Variants in IGSF21 observed in about 807,000 individuals in gnomAD.
The protein encoded by IGSF21 is immunoglobulin superfamily member 21.
Under a neutral mutation model 46.8 loss-of-function variants are expected in IGSF21, and 28 were observed. The observed-to-expected ratio is 0.60, with a 90% CI of 0.44 to 0.82. IGSF21 has a LOEUF of 0.82. Among genes scored for constraint, IGSF21 ranks in the 40% least tolerant of loss-of-function variants. The pLI, the probability that IGSF21 is intolerant of heterozygous loss-of-function variation, is 0.00. For missense variants in IGSF21, 624 were observed against 665.5 expected (o/e 0.94, Z 0.69); for synonymous variants, 284 against 273.6 (o/e 1.04, Z -0.38).
rs369077098 is a variant in IGSF21, at chr1:18,212,416, T to C, written c.71-15482T>C. On this transcript the variant is annotated intron_variant, in intron 1 of 9. Transcript: ENST00000251296. ...TCCTACAAGCAATGAGACCAACTTC[T>C]CCAATAGAACATTTCAGAACACCTT... Among the ~76,000 whole-genome samples the C allele has an allele frequency of 5.3e-5, 8 of 152,278 alleles. 1 individual carries two copies. In the East Asian group the frequency reaches 5.8e-4, roughly 11 times the overall value.
chr1:18,121,976 G>C (rs2086237711), intron 1 of IGSF21, among the ~76,000 whole-genome samples: 1 of 152,138 alleles, frequency 6.6e-6, no homozygotes. Context: ...CTTGAGCCAG[G>C]TCCTGGGTCA....
At position 18,151,341 on chromosome 1, in the gene IGSF21, T is replaced by C. The variant is rs547613253; in HGVS notation, c.70+43143T>C. 3.0e-4 allele frequency among the ~76,000 whole-genome samples: 45 copies of C among 152,316 alleles called. No individual in the cohort carries two copies. In the South Asian group the frequency reaches 9.1e-3, roughly 31 times the overall value. On this transcript the variant is annotated intron_variant, in intron 1 of 9. Coordinates refer to ENST00000251296, the MANE Select transcript of IGSF21 (RefSeq NM_032880.5). ...TCAGAGGCTCCCCTGAGCACTCACA[T>C]CCAGGCAATGGTTCTGGGGGCCCAG...
intron 2 of IGSF21, among the ~76,000 whole-genome samples, chr1:18,279,813 G>A (rs1309331922): frequency 3.9e-5 from 6 of 152,226 alleles, no homozygotes; most frequent in Non-Finnish European, 5.9e-5. Context: ...AATGTTTGCC[G>A]GTGCACCCGC....
intron 1 of IGSF21, among the ~76,000 whole-genome samples, chr1:18,119,029 C>G (rs1376326309): frequency 6.6e-6 from 1 of 151,578 alleles, no homozygotes; most frequent in African/African-American, 2.4e-5. Context: ...ATTTAAACAT[C>G]AGTAGTCACA....
In IGSF21 at chr1:18,365,545, G is replaced by A. The variant is rs760533682; in HGVS notation, c.863G>A (p.Arg288His). ...AGCGCCGAGCCCACCTACTTCCTGC[G>A]CCACAGCCGCACCCCGAGCAGTGAC... ...VHSAEPTYFL[R>H]HSRTPSSDGT... Residue 288 changes from arginine to histidine, a missense_variant, in exon 6 of 10, where the codon CGC (arginine) becomes CAC (histidine). Physicochemically the swap from Arg to His is conservative, Grantham distance 29. Transcript: ENST00000251296. This position sits in a 1 kb window ranked among gnomAD's most constrained non-coding sequence, Gnocchi z 4.8. The A allele has an allele frequency of 4.6e-5, 75 of 1,613,952 alleles. No individual in the cohort carries two copies. Among genetic ancestry groups the A allele is most frequent in the Middle Eastern group, 1.6e-4 (1 of 6,084 alleles).
intron 3 of IGSF21, among the ~76,000 whole-genome samples, chr1:18,305,546 T>TGGATG (rs1553162252): frequency 1.6e-5 from 2 of 123,902 alleles, no homozygotes; most frequent in Non-Finnish European, 3.5e-5. Flanking sequence ...GATGGATGGA[T>TGGATG]GATGGATGGA....
chr1:18,357,586 G>A (rs1255399782), intron 4 of IGSF21, among the ~76,000 whole-genome samples: 2 of 152,068 alleles, frequency 1.3e-5, no homozygotes, highest in Non-Finnish European at 2.9e-5. Flanking sequence ...CTTTTATTGG[G>A]CTATGAAACT....
chr1:18,272,658 C>T (rs2085053913), intron 2 of IGSF21, among the ~76,000 whole-genome samples: 1 of 152,224 alleles, frequency 6.6e-6, no homozygotes, highest in Non-Finnish European at 1.5e-5. Flanking sequence ...TTGGAAGAAG[C>T]TGGATCTCTT....
intron 1 of IGSF21, among the ~76,000 whole-genome samples, chr1:18,135,261 A>G (rs1464703573): frequency 6.6e-6 from 1 of 152,018 alleles, no homozygotes; most frequent in African/African-American, 2.4e-5. Context: ...TTATTTATTT[A>G]TTTATTTTTA....
intron 4 of IGSF21, among the ~76,000 whole-genome samples, chr1:18,356,869 G>A (rs929764573): frequency 1.3e-5 from 2 of 152,096 alleles, no homozygotes; most frequent in African/African-American, 2.4e-5. Context: ...TGGGGGAGGA[G>A]ATGGAGTTGA....
chr1:18,209,127 G>C (rs1312219195), intron 1 of IGSF21, among the ~76,000 whole-genome samples: 1 of 152,176 alleles, frequency 6.6e-6, no homozygotes, highest in Non-Finnish European at 1.5e-5. Context: ...TTGCTCGCTT[G>C]AGCATTTGTG....
intron 1 of IGSF21, among the ~76,000 whole-genome samples, chr1:18,216,102 G>C (rs2084442778): frequency 6.6e-6 from 1 of 152,186 alleles, no homozygotes. Context: ...AAAGGTCTAT[G>C]AGCTCAGGAG....
intron 1 of IGSF21, among the ~76,000 whole-genome samples, chr1:18,164,327 C>T (rs1557565597): frequency 6.6e-6 from 1 of 152,062 alleles, no homozygotes; most frequent in South Asian, 2.1e-4. Flanking sequence ...TCTCTTCCTT[C>T]CTTCTGACCC....
chr1:18,127,882 C>G (rs964132551), intron 1 of IGSF21, among the ~76,000 whole-genome samples: 2 of 152,096 alleles, frequency 1.3e-5, no homozygotes, highest in African/African-American at 4.8e-5. Flanking sequence ...GCACTCCAGC[C>G]TGGGTGACGT....
chr1:18,281,469 G>T (rs978612442), intron 2 of IGSF21, among the ~76,000 whole-genome samples: 6 of 152,010 alleles, frequency 3.9e-5, no homozygotes, highest in Non-Finnish European at 8.8e-5. Flanking sequence ...TGGAGGTTGA[G>T]GCAGGAGAAT....
chr1:18,170,548 TTAAC>T (rs2086726625), intron 1 of IGSF21, among the ~76,000 whole-genome samples: 1 of 151,696 alleles, frequency 6.6e-6, no homozygotes, highest in Non-Finnish European at 1.5e-5. Flanking sequence ...ACTTTTTTGT[TTAAC>T]TAATGTAATC....
rs537727820 is a variant in IGSF21 at position 18,347,401 on chromosome 1, C to A, written c.424+12391C>A. ...GCTCAGGTCTTCTGGGACCAGAGCC[C>A]TTGACGTTCCCACTCCATGAAGCTG... On this transcript the variant is annotated intron_variant, in intron 4 of 9. Transcript: ENST00000251296. Among the ~76,000 whole-genome samples, 7 of 152,262 alleles carry A rather than the reference C, an allele frequency of 4.6e-5. No homozygotes were observed. The East Asian group carries it at 5.8e-4, about 13-fold the overall frequency.
chr1:18,128,470 T>G (rs1858587), intron 1 of IGSF21, among the ~76,000 whole-genome samples: 50,525 of 152,084 alleles, frequency 0.33, 8,544 homozygotes, highest in African/African-American at 0.37. Flanking sequence ...TGGGGCCTTC[T>G]CTGGACTCTG....
chr1:18,374,676 T>C (rs2086263002), intron 6 of IGSF21, among the ~76,000 whole-genome samples: 1 of 152,188 alleles, frequency 6.6e-6, no homozygotes. Flanking sequence ...GTTTAATTAA[T>C]AGTCCTTTGA....
Sources: allele counts gnomAD v4.1 joint callset (sites outside exome capture counted in the v4.1 genomes callset), GRCh38; gene constraint gnomAD v4.1.1; non-coding constraint Gnocchi (gnomAD v3.1); transcripts MANE v1.5; gene names NCBI Gene and HGNC (gene_info 2026-07-23, HGNC 2026-07-21).